ZNF600: variants seen among roughly 807,000 people sequenced by gnomAD.
The protein encoded by ZNF600 is zinc finger protein 600, also known as zinc finger protein KR-ZNF1.
In ZNF600, 4 loss-of-function variants were observed where a neutral mutation model predicts 7.3. That is an observed-to-expected ratio of 0.55 (90% CI 0.27 to 1.25). ZNF600 has a LOEUF of 1.25. Ranked by LOEUF, ZNF600 falls within the 50% of genes most tolerant of loss-of-function variation. ZNF600 has a pLI of 0.12. For synonymous variants in ZNF600, 290 were observed against 308.9 expected, an observed-to-expected ratio of 0.94 and a Z score of 0.64; for missense variants, 911 against 922.1, an observed-to-expected ratio of 0.99 and a Z score of 0.16.
At chr19:52,774,453 AC>A (rs1221202779) in intron 3 of ZNF600, 121 bp downstream of exon 5, 17 of 911,444 alleles carry the variant, frequency 1.9e-5, no homozygotes, top group Non-Finnish European at 2.1e-5. Context: ...AAACAAAAAA[AC>A]AACCAAAAAA....
At chr19:52,822,995 GAGA>G in the ZNF600 span, among the ~76,000 whole-genome samples, 1 of 152,152 alleles carries the variant, frequency 6.6e-6, no homozygotes, top group Non-Finnish European at 1.5e-5. Context: ...GGGAAAGACA[GAGA>G]AGCTTTACCA....
intron 3 of ZNF600, among the ~76,000 whole-genome samples, chr19:52,769,715 G>A (rs2062617361): frequency 6.6e-6 from 1 of 152,000 alleles, no homozygotes; most frequent in Non-Finnish European, 1.5e-5. Context: ...AAAACCCACC[G>A]ACCCTGTGGG....
At chr19:52,782,025 C>T (rs552652137) in intron 1 of ZNF600, among the ~76,000 whole-genome samples, 2 of 152,034 alleles carry the variant, frequency 1.3e-5, no homozygotes, top group East Asian at 1.9e-4. Context: ...CGTGCCACTG[C>T]ACTCCAGCCT....
chr19:52,829,014 C>T, the ZNF600 span, among the ~76,000 whole-genome samples: 1 of 152,066 alleles, frequency 6.6e-6, no homozygotes, highest in Admixed American at 6.6e-5. Context: ...GCGCCTGCCA[C>T]CACGCCTGGC....
intron 2 of ZNF600, among the ~76,000 whole-genome samples, chr19:52,774,983 T>C (rs1250399459): frequency 6.6e-6 from 1 of 152,182 alleles, no homozygotes. Context: ...TTCACACCTG[T>C]AATCCTAACA....
At chr19:52,828,668 A>G in the ZNF600 span, among the ~76,000 whole-genome samples, 1 of 152,150 alleles carries the variant, frequency 6.6e-6, no homozygotes, top group Admixed American at 6.6e-5. Flanking sequence ...ACATTGTATA[A>G]AACAAATTGT....
intron 2 of ZNF600, among the ~76,000 whole-genome samples, chr19:52,778,082 C>T (rs912612377): frequency 2.6e-5 from 4 of 151,974 alleles, no homozygotes; most frequent in Non-Finnish European, 5.9e-5. Flanking sequence ...GGCATAATTT[C>T]GGCATACAGT....
chr19:52,828,516 T>C, the ZNF600 span, among the ~76,000 whole-genome samples: 1 of 152,152 alleles, frequency 6.6e-6, no homozygotes, highest in Non-Finnish European at 1.5e-5. Flanking sequence ...TCAATTACGA[T>C]GTTACAACTA....
At chr19:52,770,335 T>C (rs1005047226) in intron 3 of ZNF600, among the ~76,000 whole-genome samples, 4 of 152,110 alleles carry the variant, frequency 2.6e-5, no homozygotes, top group African/African-American at 7.2e-5. Context: ...TCAGCTACTC[T>C]GGAGGCTGAA....
Position 52,766,091 on chromosome 19 carries a change from C to G in ZNF600, c.1872G>C (p.Lys624Asn). The change falls in exon 4 of 4, where the codon AAG (lysine) becomes AAC (asparagine). Residue 624 changes from lysine (K) to asparagine (N), a missense_variant. By Grantham distance (94) the Lys-to-Asn change is moderately conservative (BLOSUM62 0). Transcript: ENST00000648973. The stretch of plus-strand genomic sequence containing the variant: ...TGAAGGTCTTGCCACACTCATTACA[C>G]TTGTAAGGTTTCTCACCACTATGAA... 1.9e-6 allele frequency: 3 copies of G among 1,614,044 alleles called. No homozygotes were observed. The South Asian group carries it at 3.3e-5, about 18-fold the overall frequency.
intron 1 of ZNF600, among the ~76,000 whole-genome samples, chr19:52,785,411 A>G (rs903125351): frequency 2.6e-5 from 4 of 151,500 alleles, no homozygotes; most frequent in African/African-American, 9.7e-5. Context: ...AACCGCTCCC[A>G]GCTAATTTTA....
chr19:52,776,246 C>T (rs923281573), intron 2 of ZNF600, among the ~76,000 whole-genome samples: 26 of 151,746 alleles, frequency 1.7e-4, no homozygotes, highest in African/African-American at 6.0e-4. Flanking sequence ...CTGGGATTCA[C>T]ATTTGAATAT....
At chr19:52,831,648 G>A in the ZNF600 span, among the ~76,000 whole-genome samples, 6 of 152,030 alleles carry the variant, frequency 3.9e-5, no homozygotes, top group African/African-American at 9.6e-5. Context: ...GACTACAGGT[G>A]CCCGCCACCA....
At chr19:52,831,584 G>A in the ZNF600 span, among the ~76,000 whole-genome samples, 7 of 151,554 alleles carry the variant, frequency 4.6e-5, no homozygotes, top group South Asian at 4.2e-4. Context: ...CTCACTGCAA[G>A]CTCCACCTCC....
chr19:52,807,435 C>G, the ZNF600 span, among the ~76,000 whole-genome samples: 1 of 152,158 alleles, frequency 6.6e-6, no homozygotes, highest in Non-Finnish European at 1.5e-5. Flanking sequence ...GAGAAGCAAA[C>G]AGGGAACTGG....
the ZNF600 span, among the ~76,000 whole-genome samples, chr19:52,794,284 T>C: frequency 6.6e-6 from 1 of 152,294 alleles, no homozygotes. Flanking sequence ...CAGGAATCCA[T>C]TTAAAATTCA....
At chr19:52,776,749 C>T (rs999426946) in intron 2 of ZNF600, among the ~76,000 whole-genome samples, 4 of 152,084 alleles carry the variant, frequency 2.6e-5, no homozygotes, top group Non-Finnish European at 5.9e-5. Flanking sequence ...AAAATCATTA[C>T]AATTATTATA....
intron 1 of ZNF600, among the ~76,000 whole-genome samples, chr19:52,784,696 T>C (rs899022261): frequency 6.6e-6 from 1 of 152,222 alleles, no homozygotes; most frequent in African/African-American, 2.4e-5. Context: ...TCATATCCAA[T>C]GAACTCACCC....
the ZNF600 span, among the ~76,000 whole-genome samples, chr19:52,831,515 T>C: frequency 6.6e-6 from 1 of 150,782 alleles, no homozygotes; most frequent in African/African-American, 2.5e-5. Context: ...TTTTTTGTTT[T>C]TTTTTGAGAC....
Sources: allele counts gnomAD v4.1 joint callset (sites outside exome capture counted in the v4.1 genomes callset), GRCh38; gene constraint gnomAD v4.1.1; transcripts MANE v1.5; gene names NCBI Gene and HGNC (gene_info 2026-07-23, HGNC 2026-07-21).